TMEM38B: variants seen among roughly 807,000 people sequenced by gnomAD.
The protein encoded by TMEM38B is trimeric intracellular cation channel type B.
In TMEM38B, 24 loss-of-function variants were observed where a neutral mutation model predicts 28.7. That is an observed-to-expected ratio of 0.84 (90% CI 0.61 to 1.18). TMEM38B has a LOEUF of 1.18. TMEM38B is among the 50% of genes most tolerant of loss of function. TMEM38B has a pLI of 0.00. For synonymous variants in TMEM38B, 131 were observed against 127.7 expected (o/e 1.03, Z -0.17); for missense variants, 380 against 350.9 (o/e 1.08, Z -0.66).
chr9:105,744,235 G>A (rs1322959568), intron 4 of TMEM38B, among the ~76,000 whole-genome samples: 1 of 151,868 alleles, frequency 6.6e-6, no homozygotes, highest in Non-Finnish European at 1.5e-5. Flanking sequence ...TGAAGGCTGT[G>A]AACAATTTAC....
chr9:105,710,871 G>GCCAT, intron 2 of TMEM38B: 2 of 324,084 alleles, frequency 6.2e-6, no homozygotes, highest in South Asian at 2.9e-5. Context: ...CACAGCCAGA[G>GCCAT]GGCTCCGCTA....
intron 1 of TMEM38B, among the ~76,000 whole-genome samples, chr9:105,703,316 C>G (rs185561739): frequency 1.2e-4 from 18 of 152,286 alleles, no homozygotes; most frequent in Non-Finnish European, 2.4e-4. Context: ...GGAACTCTGT[C>G]TCTACTAAAA....
At chr9:105,763,710 A>T (rs1486763726) in intron 5 of TMEM38B, among the ~76,000 whole-genome samples, 6 of 152,168 alleles carry the variant, frequency 3.9e-5, no homozygotes, top group African/African-American at 1.4e-4. Flanking sequence ...AAAAAGAGGG[A>T]ATCCTCCCTT....
At chr9:105,761,781 G>A (rs915337807) in intron 5 of TMEM38B, among the ~76,000 whole-genome samples, 1 of 152,182 alleles carries the variant, frequency 6.6e-6, no homozygotes, top group African/African-American at 2.4e-5. Flanking sequence ...TTTTAGGGAT[G>A]TTGTCTAGGG....
intron 5 of TMEM38B, among the ~76,000 whole-genome samples, chr9:105,769,552 A>C (rs1826479954): frequency 6.6e-6 from 1 of 152,108 alleles, no homozygotes. Context: ...GGACTCAAGC[A>C]ACCTTCCCGC....
chr9:105,759,352 T>G (rs1837952012), intron 5 of TMEM38B: 7 of 1,203,638 alleles, frequency 5.8e-6, no homozygotes, highest in Admixed American at 5.7e-5. Flanking sequence ...ATGGAGTGCC[T>G]TCTTCTCAGT....
chr9:105,696,732 G>A (rs1208072167), intron 1 of TMEM38B, among the ~76,000 whole-genome samples: 1 of 152,068 alleles, frequency 6.6e-6, no homozygotes, highest in East Asian at 1.9e-4. Context: ...CCCATTACCC[G>A]ACCCCCAACC....
chr9:105,694,610 G>A lies in TMEM38B; in HGVS notation c.-51G>A, dbSNP rs1835207538. On this transcript the variant is annotated 5_prime_UTR_variant, in exon 1 of 6. Transcript: ENST00000374692. ...CTCTCCTACTCCTCACCGCGCGAGC[G>A]CGGGGAACCAGTAGCCGCGGCTGCT... 2 of 1,518,788 alleles carry A rather than the reference G, an allele frequency of 1.3e-6. No individual in the cohort carries two copies. The highest frequency in any genetic ancestry group is 2.3e-5 in the East Asian group (1 of 44,098). The allele number at this position is 1,518,788 out of a possible 1,614,324, so 94.1% of individuals were successfully genotyped here.
chr9:105,764,813 A>G (rs1023561750), intron 5 of TMEM38B, among the ~76,000 whole-genome samples: 12 of 151,578 alleles, frequency 7.9e-5, no homozygotes, highest in African/African-American at 2.4e-4. Flanking sequence ...GAGGCATCAC[A>G]CTACCTGACT....
At chr9:105,721,845 T>A (rs1836332549) in intron 3 of TMEM38B, 124 bp downstream of exon 3, 1 of 726,100 alleles carries the variant, frequency 1.4e-6, no homozygotes, top group Admixed American at 3.7e-5. Context: ...TTTTGGAAGG[T>A]AAAAACCTTG....
intron 5 of TMEM38B, chr9:105,759,508 A>C: frequency 6.3e-7 from 1 of 1,579,938 alleles, no homozygotes; most frequent in South Asian, 1.1e-5. Context: ...AATGGGAGGA[A>C]GCTGTCATAA....
At chr9:105,709,188 A>G (rs920645472) in intron 2 of TMEM38B, among the ~76,000 whole-genome samples, 1 of 152,130 alleles carries the variant, frequency 6.6e-6, no homozygotes, top group Non-Finnish European at 1.5e-5. Context: ...TTTATATCTA[A>G]TGCAAAGTTA....
intron 5 of TMEM38B, among the ~76,000 whole-genome samples, chr9:105,769,576 A>G (rs1826480888): frequency 6.6e-6 from 1 of 152,192 alleles, no homozygotes; most frequent in Non-Finnish European, 1.5e-5. Context: ...CGAAAAATTT[A>G]CAAGTCTGGC....
intron 5 of TMEM38B, among the ~76,000 whole-genome samples, chr9:105,763,506 C>T (rs1215922207): frequency 6.6e-6 from 1 of 152,184 alleles, no homozygotes; most frequent in Non-Finnish European, 1.5e-5. Context: ...TTCCTCGACA[C>T]ATACACTCTC....
chr9:105,713,876 G>A (rs1161232354), intron 2 of TMEM38B, among the ~76,000 whole-genome samples: 1 of 152,224 alleles, frequency 6.6e-6, no homozygotes, highest in Non-Finnish European at 1.5e-5. Flanking sequence ...GGCAGAGTAG[G>A]AAGAGTTGAC....
At chr9:105,767,426 C>A (rs1487321081) in intron 5 of TMEM38B, among the ~76,000 whole-genome samples, 4 of 152,122 alleles carry the variant, frequency 2.6e-5, no homozygotes, top group Admixed American at 6.6e-5. Flanking sequence ...TAGTCTACAT[C>A]TTTTATATTT....
At position 105,756,634 on chromosome 9, in the gene TMEM38B, T is replaced by C. The variant is rs182281008; in HGVS notation, c.660+8444T>C. ...TAATTTGTGGAATAAAAATGATAAT[T>C]TTTCTTACAATTGTTGCTGGATGTA... On this transcript the variant is annotated intron_variant, in intron 5 of 5. Transcript: ENST00000374692. Among the ~76,000 whole-genome samples the C allele has an allele frequency of 3.9e-5, 6 of 152,344 alleles. No individual in the cohort carries two copies. The East Asian group carries it at 1.2e-3, about 29-fold the overall frequency.
intron 2 of TMEM38B, chr9:105,710,293 G>A: frequency 1.5e-6 from 1 of 653,332 alleles, no homozygotes; most frequent in Non-Finnish European, 2.8e-6. Flanking sequence ...AGTTTGGTCT[G>A]TCATTGTCGG....
intron 5 of TMEM38B, among the ~76,000 whole-genome samples, chr9:105,753,714 A>G (rs1837736876): frequency 6.6e-6 from 1 of 152,020 alleles, no homozygotes; most frequent in Admixed American, 6.6e-5. Flanking sequence ...ACAAAAACAC[A>G]CTGAAGCACA....
Sources: gnomAD v4.1 joint callset for allele counts (sites outside exome capture counted in the v4.1 genomes callset) on GRCh38, gnomAD v4.1.1 for gene constraint, MANE v1.5 for transcripts, NCBI Gene and HGNC (gene_info 2026-07-23, HGNC 2026-07-21) for gene names.